Variants in PRKCZ observed in about 807,000 individuals in gnomAD.
PRKCZ encodes protein kinase C zeta type.
A neutral mutation model predicts 79.5 loss-of-function variants in PRKCZ; 33 were observed. The ratio of observed to expected loss-of-function variants is 0.41; its 90% CI spans 0.31 to 0.55. The LOEUF (loss-of-function observed/expected upper bound fraction) is 0.55. Ranked by LOEUF, PRKCZ falls within the 20% of genes least tolerant of loss-of-function variation. The probability of loss-of-function intolerance (pLI) is 0.19; values close to 1 mark genes in which losing one functional copy is unlikely to be tolerated. For synonymous variants in PRKCZ, 342 were observed against 320.9 expected, an observed-to-expected ratio of 1.07 and a Z score of -0.70; for missense variants, 578 against 813.5, an observed-to-expected ratio of 0.71 and a Z score of 3.52.
At chr1:2,167,227 C>T (rs78441142) in intron 10 of PRKCZ, among the ~76,000 whole-genome samples, 1 of 152,340 alleles carries the variant, frequency 6.6e-6, no homozygotes, top group East Asian at 1.9e-4. Context: ...GCACAGTTCC[C>T]GTGATTGGCT....
At chr1:2,091,812 G>GCCCT (rs1665552670) in intron 4 of PRKCZ, among the ~76,000 whole-genome samples, 1 of 152,208 alleles carries the variant, frequency 6.6e-6, no homozygotes, top group Non-Finnish European at 1.5e-5. Context: ...GAGCAGCAGG[G>GCCCT]GGCGTCCGAG....
chr1:2,180,809 G>A (rs1017059635), intron 16 of PRKCZ, among the ~76,000 whole-genome samples: 4 of 152,156 alleles, frequency 2.6e-5, no homozygotes, highest in African/African-American at 9.7e-5. Context: ...TGCCCCCAGG[G>A]CACTACCTCC....
rs1685717270 is a variant in PRKCZ at position 2,177,509 on chromosome 1, G to A, written c.1575+2196G>A. Among the ~76,000 whole-genome samples the A allele has an allele frequency of 6.6e-6, 1 of 152,208 alleles. No individual in the cohort carries two copies. Among genetic ancestry groups the A allele is most frequent in the South Asian group, 2.1e-4 (1 of 4,834 alleles). On this transcript the variant is annotated intron_variant, in intron 16 of 17. Transcript: ENST00000378567. This position sits in a 1 kb window ranked among gnomAD's most constrained non-coding sequence, Gnocchi z 6.4. ...ACTCTTGGTTTACCGGGAGTGGACA[G>A]ATGAGGACAGATGGCTGCCTGTGGA... is the stretch of plus-strand genomic sequence containing the variant.
chr1:2,155,221 T>G (rs1571875014), intron 9 of PRKCZ, among the ~76,000 whole-genome samples: 1 of 151,538 alleles, frequency 6.6e-6, no homozygotes, highest in Non-Finnish European at 1.5e-5. Flanking sequence ...GTGATGATGG[T>G]GATGGCGATG....
chr1:2,150,184 C>T (rs1679588383), intron 8 of PRKCZ, among the ~76,000 whole-genome samples: 1 of 146,010 alleles, frequency 6.8e-6, no homozygotes. Flanking sequence ...AAAAAAAAAG[C>T]AGAATCCATT....
chr1:2,161,312 C>A (rs1682248488), intron 10 of PRKCZ, among the ~76,000 whole-genome samples: 2 of 152,396 alleles, frequency 1.3e-5, no homozygotes, highest in South Asian at 4.1e-4. Context: ...GTGGCCCCCA[C>A]AAGGCTGTGC....
intron 1 of PRKCZ, chr1:2,051,036 A>C (rs1277429363): frequency 4.1e-6 from 1 of 243,352 alleles, no homozygotes; most frequent in Non-Finnish European, 7.9e-6. Flanking sequence ...GTTTTCATCA[A>C]GTTGTGAAAA....
intron 9 of PRKCZ, among the ~76,000 whole-genome samples, chr1:2,152,511 G>A (rs541757452): frequency 1.3e-5 from 2 of 152,302 alleles, no homozygotes; most frequent in African/African-American, 4.8e-5. Flanking sequence ...CAGTCTGGGC[G>A]ACCAAATGAG....
intron 4 of PRKCZ, among the ~76,000 whole-genome samples, chr1:2,069,045 C>G (rs991821593): frequency 2.6e-5 from 4 of 152,340 alleles, no homozygotes; most frequent in African/African-American, 9.6e-5. Flanking sequence ...GGACACGTGG[C>G]CTGGTTCCTG....
chr1:2,061,914 G>A (rs963382640), intron 4 of PRKCZ, among the ~76,000 whole-genome samples: 5 of 152,176 alleles, frequency 3.3e-5, no homozygotes, highest in Admixed American at 2.6e-4. Flanking sequence ...TGGTTTTAGC[G>A]CCTGTGGGGG....
At position 2,164,379 on chromosome 1, in the gene PRKCZ, G is replaced by A. The variant is rs150057105; in HGVS notation, c.975-5139G>A. ...TAACTGATGGACTTAAAGCAAGCAG[G>A]CCTGAGCTCCGTGGGGCCACACTGT... On this transcript the variant is annotated intron_variant, in intron 10 of 17. Transcript: ENST00000378567. Among the ~76,000 whole-genome samples the A allele has an allele frequency of 3.3e-5, 5 of 152,334 alleles. No individual in the cohort carries two copies. In the East Asian group the frequency reaches 5.8e-4, roughly 18 times the overall value.
intron 4 of PRKCZ, among the ~76,000 whole-genome samples, chr1:2,101,925 T>C (rs900968705): frequency 1.3e-5 from 2 of 152,182 alleles, no homozygotes; most frequent in African/African-American, 2.4e-5. Context: ...GTAGCAGATA[T>C]GTGATAGGAG....
chr1:2,143,443 GA>G (rs1677819226), intron 5 of PRKCZ: 1 of 152,252 alleles, frequency 6.6e-6, no homozygotes, highest in African/African-American at 2.4e-5. Context: ...GAAAGAATCT[GA>G]ATTGGAGGCT....
At chr1:2,051,264 C>G (rs1382408187) in intron 1 of PRKCZ, among the ~76,000 whole-genome samples, 2 of 152,210 alleles carry the variant, frequency 1.3e-5, no homozygotes, top group African/African-American at 4.8e-5. Flanking sequence ...CACCCGCCCC[C>G]CGGAGGCCCT....
At position 2,178,701 on chromosome 1, in the gene PRKCZ, A is replaced by T. The variant is rs1311262292; in HGVS notation, c.1575+3388A>T. 6.6e-6 allele frequency among the ~76,000 whole-genome samples: 1 copy of T among 152,064 alleles called. No homozygotes were observed. The highest frequency in any genetic ancestry group is 1.5e-5 in the Non-Finnish European group (1 of 68,012). On this transcript the variant is annotated intron_variant, in intron 16 of 17. Transcript: ENST00000378567. This position sits in a 1 kb window ranked among gnomAD's most constrained non-coding sequence, Gnocchi z 4.3. ...GGCCCCCTCAGTCTGTGCTGGACTT[A>T]GTTCCATGGCTGTAGTGGGCACAGC...
intron 1 of PRKCZ, among the ~76,000 whole-genome samples, chr1:2,052,306 T>C (rs1659745566): frequency 6.6e-6 from 1 of 152,084 alleles, no homozygotes; most frequent in Non-Finnish European, 1.5e-5. Flanking sequence ...CTGGGAGCAC[T>C]TTGGTGGTGG....
rs1411364133 is a variant in PRKCZ, at chr1:2,185,041, G to T, written c.*32G>T. On this transcript the variant is annotated 3_prime_UTR_variant, in exon 18 of 18. Coordinates refer to ENST00000378567, the MANE Select transcript of PRKCZ (RefSeq NM_002744.6). ...GTGCGTCTCTGTCGTGGACACGCGTGATTGACCCTTTAACTGTATCCTTAA... is the reference window on the plus strand; with the variant it reads ...GTGCGTCTCTGTCGTGGACACGCGTTATTGACCCTTTAACTGTATCCTTAA... 45 of 1,567,612 alleles carry T rather than the reference G, an allele frequency of 2.9e-5. No individual in the cohort carries two copies. Among genetic ancestry groups the T allele is most frequent in the Non-Finnish European group, 3.9e-5 (45 of 1,145,882 alleles).
At chr1:2,134,320 T>G (rs1272651110) in intron 4 of PRKCZ, among the ~76,000 whole-genome samples, 1 of 152,230 alleles carries the variant, frequency 6.6e-6, no homozygotes, top group African/African-American at 2.4e-5. Context: ...TTAAAAACAT[T>G]CCGTTACAAT....
intron 4 of PRKCZ, among the ~76,000 whole-genome samples, chr1:2,097,173 A>C (rs1279097069): frequency 6.6e-6 from 1 of 152,252 alleles, no homozygotes; most frequent in Non-Finnish European, 1.5e-5. Context: ...GCAGCAAAGC[A>C]GTTCATTAGG....
Sources: allele counts gnomAD v4.1 joint callset (sites outside exome capture counted in the v4.1 genomes callset), GRCh38; gene constraint gnomAD v4.1.1; non-coding constraint Gnocchi (gnomAD v3.1); transcripts MANE v1.5; gene names NCBI Gene and HGNC (gene_info 2026-07-23, HGNC 2026-07-21).